Variants in DGKB observed in about 807,000 individuals in gnomAD.
DGKB encodes the protein diacylglycerol kinase beta.
Under a neutral mutation model 114.3 loss-of-function variants are expected in DGKB, and 67 were observed. The observed-to-expected ratio is 0.59, with a 90% CI of 0.48 to 0.72. The LOEUF (loss-of-function observed/expected upper bound fraction) is 0.72, where lower values mean the gene tolerates loss of function less well. DGKB is among the 30% of genes least tolerant of loss of function. The pLI is 0.00. For synonymous variants in DGKB, 398 were observed against 323.1 expected, an observed-to-expected ratio of 1.23 and a Z score of -2.49; for missense variants, 907 against 975.2, an observed-to-expected ratio of 0.93 and a Z score of 0.93.
intron 23 of DGKB, among the ~76,000 whole-genome samples, chr7:14,228,985 T>C (rs1043148352): frequency 6.6e-6 from 1 of 151,778 alleles, no homozygotes; most frequent in African/African-American, 2.4e-5. Context: ...TTTGAACATA[T>C]AAATTTCATT....
intron 1 of DGKB, among the ~76,000 whole-genome samples, chr7:14,842,567 T>C (rs1307657377): frequency 6.6e-6 from 1 of 152,220 alleles, no homozygotes; most frequent in Admixed American, 6.5e-5. Context: ...AGAATGGGAA[T>C]ATGCAATGAC....
At chr7:14,974,415 T>C (rs1787672980) in intron 1 of DGKB, among the ~76,000 whole-genome samples, 1 of 152,088 alleles carries the variant, frequency 6.6e-6, no homozygotes, top group African/African-American at 2.4e-5. Context: ...CTCACTTCTA[T>C]CTTTAAAAGC....
chr7:14,778,772 A>G (rs1838617852), intron 2 of DGKB, among the ~76,000 whole-genome samples: 1 of 152,258 alleles, frequency 6.6e-6, no homozygotes, highest in South Asian at 2.1e-4. Context: ...TGTAGCTTTT[A>G]GCACATTTTT....
intron 20 of DGKB, among the ~76,000 whole-genome samples, chr7:14,480,923 A>C (rs532098881): frequency 1.3e-5 from 2 of 152,190 alleles, no homozygotes; most frequent in South Asian, 4.1e-4. Context: ...TGAGAATGCT[A>C]AATATGGTTA....
At chr7:14,762,818 C>T (rs1430086846) in intron 2 of DGKB, among the ~76,000 whole-genome samples, 1 of 152,088 alleles carries the variant, frequency 6.6e-6, no homozygotes, top group African/African-American at 2.4e-5. Context: ...TATTTTTAAC[C>T]TCTCTATGGT....
At chr7:14,511,387 C>A (rs1787955542) in intron 20 of DGKB, among the ~76,000 whole-genome samples, 1 of 152,168 alleles carries the variant, frequency 6.6e-6, no homozygotes, top group Admixed American at 6.5e-5. Context: ...CCTTAAAACT[C>A]AAGAACCAAC....
chr7:14,727,142 C>A (rs1224557542), intron 5 of DGKB, among the ~76,000 whole-genome samples: 1 of 151,308 alleles, frequency 6.6e-6, no homozygotes, highest in Non-Finnish European at 1.5e-5. Context: ...TAGTATGCAA[C>A]CATTAAGATG....
chr7:14,478,311 T>C, intron 20 of DGKB, 86 bp from the exon 21 acceptor site: 2 of 817,238 alleles, frequency 2.4e-6, no homozygotes, highest in Non-Finnish European at 3.6e-6. Context: ...AAAAATAACA[T>C]TTCAAAATGA....
intron 21 of DGKB, among the ~76,000 whole-genome samples, chr7:14,401,144 C>T (rs546041838): frequency 6.6e-6 from 1 of 152,012 alleles, no homozygotes; most frequent in African/African-American, 2.4e-5. Context: ...AAGGTTTCCA[C>T]TTTTAAAAGA....
chr7:14,476,304 A>T lies in DGKB; in HGVS notation c.1835+1857T>A, dbSNP rs115680856. On this transcript the variant is annotated intron_variant, in intron 21 of 25. Transcript: ENST00000402815. ...TATAATCAAGTGCTGAAATCTATACAGTACATATACTTTCACTGTTATGTC... is the reference window on the plus strand; with the variant it reads ...TATAATCAAGTGCTGAAATCTATACTGTACATATACTTTCACTGTTATGTC... Among the ~76,000 whole-genome samples, 1,235 of 152,256 alleles carry T rather than the reference A, an allele frequency of 8.1e-3. 19 individuals carry two copies. The highest frequency in any genetic ancestry group is 0.028 in the African/African-American group (1,145 of 41,566).
At chr7:14,381,106 C>T (rs1389577063) in intron 21 of DGKB, among the ~76,000 whole-genome samples, 1 of 152,164 alleles carries the variant, frequency 6.6e-6, no homozygotes, top group Non-Finnish European at 1.5e-5. Context: ...GCTGAGAGCT[C>T]AGGGGCTCGT....
intron 23 of DGKB, among the ~76,000 whole-genome samples, chr7:14,278,930 C>A (rs535753199): frequency 5.3e-5 from 8 of 152,238 alleles, no homozygotes; most frequent in Admixed American, 2.0e-4. Flanking sequence ...GCCTGAGCAA[C>A]GCAGAAGACG....
At chr7:14,159,174 C>G (rs1783485557) in intron 25 of DGKB, among the ~76,000 whole-genome samples, 1 of 152,058 alleles carries the variant, frequency 6.6e-6, no homozygotes, top group South Asian at 2.1e-4. Context: ...CCCACTGGAC[C>G]GTATGCCTCA....
At chr7:14,837,794 T>C (rs942077348) in intron 2 of DGKB, among the ~76,000 whole-genome samples, 15 of 152,210 alleles carry the variant, frequency 9.9e-5, no homozygotes, top group African/African-American at 3.6e-4. Flanking sequence ...TGTTTCCTGT[T>C]ATATTTTGGC....
intron 20 of DGKB, among the ~76,000 whole-genome samples, chr7:14,523,126 G>A (rs946335331): frequency 2.0e-5 from 3 of 152,054 alleles, no homozygotes; most frequent in African/African-American, 7.2e-5. Context: ...AAGATTAAAT[G>A]GATGTTAGAT....
chr7:14,280,885 A>G (rs144395106), intron 23 of DGKB, among the ~76,000 whole-genome samples: 32,809 of 151,658 alleles, frequency 0.22, 3,916 homozygotes, highest in Non-Finnish European at 0.26. Flanking sequence ...AGGAACAACC[A>G]GTACCAGCCA....
intron 1 of DGKB, among the ~76,000 whole-genome samples, chr7:14,845,232 T>C (rs1438527623): frequency 6.6e-6 from 1 of 151,996 alleles, no homozygotes; most frequent in African/African-American, 2.4e-5. Flanking sequence ...CTTAGATCTG[T>C]ACAGGAATGC....
chr7:14,342,535 C>G (rs1288475287), intron 22 of DGKB, among the ~76,000 whole-genome samples: 1 of 151,686 alleles, frequency 6.6e-6, no homozygotes, highest in South Asian at 2.1e-4. Flanking sequence ...AAAAATTCTA[C>G]TTCGTGTATC....
intron 21 of DGKB, among the ~76,000 whole-genome samples, chr7:14,438,605 G>A (rs987709438): frequency 1.3e-5 from 2 of 152,054 alleles, no homozygotes; most frequent in East Asian, 1.9e-4. Flanking sequence ...AGGTTGGAGC[G>A]TGGGTGAGAT....
Sources: gnomAD v4.1 joint callset for allele counts (sites outside exome capture counted in the v4.1 genomes callset) on GRCh38, gnomAD v4.1.1 for gene constraint, MANE v1.5 for transcripts, NCBI Gene and HGNC (gene_info 2026-07-23, HGNC 2026-07-21) for gene names.